RTKN2: variants seen among roughly 807,000 people sequenced by gnomAD.
RTKN2 encodes the protein rhotekin-2.
RTKN2 carries 69 observed loss-of-function variants against 71.5 expected under a neutral mutation model. That is an observed-to-expected ratio of 0.96 (90% CI 0.79 to 1.18). The LOEUF is 1.18. RTKN2 is among the 50% of genes most tolerant of loss of function. The probability of loss-of-function intolerance (pLI) is 0.00; values close to 1 mark genes in which losing one functional copy is unlikely to be tolerated. For synonymous variants in RTKN2, 236 were observed against 236.5 expected, an observed-to-expected ratio of 1.00 and a Z score of 0.02; for missense variants, 724 against 719.7, an observed-to-expected ratio of 1.01 and a Z score of -0.07.
At position 62,217,154 on chromosome 10, in the gene RTKN2, A is replaced by C; in HGVS notation, c.984T>G (p.Ala328=). 1 of 1,137,560 alleles carries C rather than the reference A, an allele frequency of 8.8e-7. No individual in the cohort carries two copies. Among genetic ancestry groups the C allele is most frequent in the Non-Finnish European group, 1.2e-6 (1 of 824,648 alleles). The allele number at this position is 1,137,560 out of a possible 1,614,324, so 70.5% of individuals were successfully genotyped here. A position where few individuals can be genotyped will look rare whatever the true frequency, so the allele number is the denominator to read the frequency against. ...YCFYSPEEIE[A]KVEPALVVPI... is the part of the protein sequence containing the mutation. ...GTACTACCAAAGCTGGTTCCACTTT[A>C]GCTTCAATTTCCTCTGGACTGTAAA... The change falls in exon 9 of 12, where the codon GCT becomes GCG. Residue 328 remains alanine (A), a synonymous_variant. Coordinates refer to ENST00000373789, the MANE Select transcript of RTKN2 (RefSeq NM_145307.4).
At chr10:62,243,488 C>A (rs1173632255) in intron 3 of RTKN2, among the ~76,000 whole-genome samples, 1 of 152,036 alleles carries the variant, frequency 6.6e-6, no homozygotes, top group Non-Finnish European at 1.5e-5. Context: ...TAACTATTTA[C>A]ACTATCATGG....
chr10:62,261,595 G>A (rs1447958165), intron 2 of RTKN2, among the ~76,000 whole-genome samples: 1 of 152,114 alleles, frequency 6.6e-6, no homozygotes, highest in Non-Finnish European at 1.5e-5. Context: ...AGGTTGCAGT[G>A]AGCTGAGATC....
At chr10:62,260,580 A>T (rs1589386983) in intron 2 of RTKN2, among the ~76,000 whole-genome samples, 1 of 152,070 alleles carries the variant, frequency 6.6e-6, no homozygotes, top group African/African-American at 2.4e-5. Flanking sequence ...ATTCTCATCT[A>T]TCACAGATAA....
At chr10:62,188,516 C>CA (rs1282002401), downstream of RTKN2, among the ~76,000 whole-genome samples, 1 of 152,126 alleles carries the variant, frequency 6.6e-6, no homozygotes, top group Non-Finnish European at 1.5e-5. Context: ...GGAAGAGTGT[C>CA]AGAGAGTTCG....
At chr10:62,256,945 T>C (rs1842687010) in intron 2 of RTKN2, among the ~76,000 whole-genome samples, 1 of 151,320 alleles carries the variant, frequency 6.6e-6, no homozygotes, top group African/African-American at 2.4e-5. Flanking sequence ...CCTAAGAACA[T>C]AAAAGAAGGT....
intron 2 of RTKN2, among the ~76,000 whole-genome samples, chr10:62,261,381 C>T (rs142917167): frequency 0.015 from 2,296 of 152,238 alleles, 52 homozygotes; most frequent in African/African-American, 0.052. Flanking sequence ...GTGGCTCATG[C>T]CTGTAATCCC....
At position 62,197,633 on chromosome 10, in the gene RTKN2, A is replaced by T; in HGVS notation, c.*275T>A. The T allele has an allele frequency of 8.2e-7, 1 of 1,217,524 alleles. No individual in the cohort carries two copies. The allele number at this position is 1,217,524 out of a possible 1,614,324, so 75.4% of individuals were successfully genotyped here. A position where few individuals can be genotyped will look rare whatever the true frequency, so the allele number is the denominator to read the frequency against. On this transcript the variant is annotated 3_prime_UTR_variant, in exon 12 of 12. Transcript: ENST00000373789. Reference sequence around the variant, plus strand: ...GCCTAGGGCTTATTCACTGCCTGGTACTAATTCAGGAATAAATTAACCCTT... The same window carrying T: ...GCCTAGGGCTTATTCACTGCCTGGTTCTAATTCAGGAATAAATTAACCCTT...
chr10:62,245,906 G>A, intron 3 of RTKN2, 93 bp downstream of exon 3: 1 of 751,774 alleles, frequency 1.3e-6, no homozygotes, highest in Admixed American at 2.6e-5. Flanking sequence ...AAAACAAAAT[G>A]AAGAGAATGG....
intron 1 of RTKN2, among the ~76,000 whole-genome samples, chr10:62,264,463 T>C (rs1842833215): frequency 6.6e-6 from 1 of 152,230 alleles, no homozygotes; most frequent in Non-Finnish European, 1.5e-5. Flanking sequence ...TTTTATGACT[T>C]ACTAGCCCCA....
intron 2 of RTKN2, among the ~76,000 whole-genome samples, chr10:62,250,793 C>A (rs1476192958): frequency 6.6e-6 from 1 of 152,066 alleles, no homozygotes; most frequent in Non-Finnish European, 1.5e-5. Context: ...CCATGCCCAG[C>A]TAATGTTTAT....
At chr10:62,253,879 A>G (rs1842625817) in intron 2 of RTKN2, among the ~76,000 whole-genome samples, 1 of 152,284 alleles carries the variant, frequency 6.6e-6, no homozygotes, top group African/African-American at 2.4e-5. Context: ...CATTATGCTG[A>G]AAGAAAGAAA....
intron 7 of RTKN2, among the ~76,000 whole-genome samples, chr10:62,221,390 C>CA (rs1841903114): frequency 6.6e-6 from 1 of 151,906 alleles, no homozygotes. Context: ...GTGAGACAAA[C>CA]AGAAAACACA....
chr10:62,194,453 CAGTT>C lies in RTKN2; in HGVS notation c.*3451_*3454del, dbSNP rs1323575232. 2.0e-6 allele frequency: 2 copies of C among 978,424 alleles called. No individual in the cohort carries two copies. The highest frequency in any genetic ancestry group is 2.4e-6 in the Non-Finnish European group (2 of 823,742). The allele number at this position is 978,424 out of a possible 1,614,324, so 60.6% of individuals were successfully genotyped here. A position where few individuals can be genotyped will look rare whatever the true frequency, so the allele number is the denominator to read the frequency against. ...TGGCTACTAGAATATAAATGGTCAT[CAGTT>C]AAAGTTTAATTACTATTCAATAATT... On this transcript the variant is annotated 3_prime_UTR_variant, in exon 12 of 12. Transcript: ENST00000373789.
intron 10 of RTKN2, among the ~76,000 whole-genome samples, chr10:62,200,804 A>T (rs970902267): frequency 6.6e-6 from 1 of 152,098 alleles, no homozygotes; most frequent in Non-Finnish European, 1.5e-5. Flanking sequence ...TTATAAAGTC[A>T]TATCACCCAA....
chr10:62,217,876 A>G (rs1014776644), intron 8 of RTKN2, among the ~76,000 whole-genome samples: 2 of 151,566 alleles, frequency 1.3e-5, no homozygotes, highest in African/African-American at 2.4e-5. Flanking sequence ...AAAGACCTTT[A>G]TGTGAAAGGT....
rs751974568 is a variant in RTKN2 at position 62,204,845 on chromosome 10, A to G, written c.1186+12T>C. On this transcript the variant is annotated intron_variant, in intron 10 of 11. Coordinates refer to ENST00000373789, the MANE Select transcript of RTKN2 (RefSeq NM_145307.4). ...TAAATACACAACTAAAAAAATCCAA[A>G]TATCTATTTACTAAGATCAAAGAAA... 4.6e-6 allele frequency: 7 copies of G among 1,535,716 alleles called. No individual in the cohort carries two copies. Among genetic ancestry groups the G allele is most frequent in the South Asian group, 2.6e-5 (2 of 78,258 alleles).
At chr10:62,240,976 T>G (rs1315895475) in intron 4 of RTKN2, among the ~76,000 whole-genome samples, 166 bp downstream of exon 4, 3 of 152,238 alleles carry the variant, frequency 2.0e-5, no homozygotes, top group African/African-American at 7.2e-5. Flanking sequence ...TAGTATCAAG[T>G]GACTGCAACA....
In RTKN2 at chr10:62,195,699, C is replaced by G; in HGVS notation, c.*2209G>C. 2.0e-6 allele frequency: 2 copies of G among 984,668 alleles called. No individual in the cohort carries two copies. Among genetic ancestry groups the G allele is most frequent in the Non-Finnish European group, 2.4e-6 (2 of 829,604 alleles). 61.0% of individuals were successfully genotyped at this position (984,668 alleles called of 1,614,324 possible). ...ACCAACTCTGTATTATAACTACACT[C>G]CTTAGGTAAGGGGTAAATTAGCATT... On this transcript the variant is annotated 3_prime_UTR_variant, in exon 12 of 12. Transcript: ENST00000373789.
At chr10:62,253,272 T>G (rs1026385902) in intron 2 of RTKN2, among the ~76,000 whole-genome samples, 3 of 152,190 alleles carry the variant, frequency 2.0e-5, no homozygotes, top group African/African-American at 7.2e-5. Context: ...CACTTTATAA[T>G]GCAAAAGGCT....
Sources: gnomAD v4.1 joint callset for allele counts (sites outside exome capture counted in the v4.1 genomes callset) on GRCh38, gnomAD v4.1.1 for gene constraint, MANE v1.5 for transcripts, NCBI Gene and HGNC (gene_info 2026-07-23, HGNC 2026-07-21) for gene names.